The following KIAA1217 variants were observed in gnomAD, a reference collection of about 807,000 sequenced individuals.
KIAA1217 encodes the protein KIAA1217.
Under a neutral mutation model 163.9 loss-of-function variants are expected in KIAA1217, and 88 were observed. The observed-to-expected ratio is 0.54, with a 90% CI of 0.45 to 0.64. The LOEUF (loss-of-function observed/expected upper bound fraction) is 0.64, where lower values mean the gene tolerates loss of function less well. Among genes scored for constraint, KIAA1217 ranks in the 30% least tolerant of loss-of-function variants. KIAA1217 has a pLI of 0.00. For synonymous variants in KIAA1217, 903 were observed against 923.1 expected, an observed-to-expected ratio of 0.98 and a Z score of 0.39; for missense variants, 2,372 against 2,475.0, an observed-to-expected ratio of 0.96 and a Z score of 0.88.
Position 24,547,056 on chromosome 10 carries a change from C to CTTTTTTTTTTTTTTTT in KIAA1217, c.*733_*748dup, listed in dbSNP as rs11411265. Reference sequence around the variant, plus strand: ...GCTTCTTTTCTTTCTTTTTTCCTTCCTTTTTTTTTTTTTTTTCTTTTTTAA... The same window carrying CTTTTTTTTTTTTTTTT: ...GCTTCTTTTCTTTCTTTTTTCCTTCCTTTTTTTTTTTTTTTTTTTTTTTTTTTTTTTTCTTTTTTAA... On this transcript the variant is annotated 3_prime_UTR_variant, in exon 21 of 21. Coordinates refer to ENST00000376454, the MANE Select transcript of KIAA1217 (RefSeq NM_019590.5). The CTTTTTTTTTTTTTTTT allele has an allele frequency of 7.8e-6, 1 of 127,946 alleles. No homozygotes were observed. Among genetic ancestry groups the CTTTTTTTTTTTTTTTT allele is most frequent in the Non-Finnish European group, 1.6e-5 (1 of 62,538 alleles). 7.9% of individuals were successfully genotyped at this position (127,946 alleles called of 1,614,324 possible).
At chr10:23,771,012 C>G (rs1834771778) in intron 1 of KIAA1217, among the ~76,000 whole-genome samples, 1 of 152,146 alleles carries the variant, frequency 6.6e-6, no homozygotes, top group Non-Finnish European at 1.5e-5. Flanking sequence ...CTTTCATCAC[C>G]TTGATACAAG....
intron 1 of KIAA1217, among the ~76,000 whole-genome samples, chr10:23,955,729 G>A (rs552276694): frequency 5.0e-4 from 76 of 152,204 alleles, no homozygotes; most frequent in African/African-American, 1.8e-3. Flanking sequence ...CATATATTTG[G>A]CTTTTTTGCT....
intron 2 of KIAA1217, among the ~76,000 whole-genome samples, chr10:24,352,370 T>C (rs10828635): frequency 0.27 from 41,382 of 152,146 alleles, 6,853 homozygotes; most frequent in Non-Finnish European, 0.37. Flanking sequence ...GTGCAATTAA[T>C]TGCAAAGTAT....
intron 13 of KIAA1217, among the ~76,000 whole-genome samples, chr10:24,525,079 CG>C (rs2071913273): frequency 7.1e-6 from 1 of 140,738 alleles, no homozygotes; most frequent in Non-Finnish European, 1.5e-5. Flanking sequence ...GTTGTGGCGG[CG>C]GGGTGGGGGG....
chr10:24,334,693 C>G (rs140917817), intron 2 of KIAA1217, among the ~76,000 whole-genome samples: 5 of 152,298 alleles, frequency 3.3e-5, no homozygotes, highest in Non-Finnish European at 7.3e-5. Context: ...CTACCCTGCT[C>G]ACTCACCATT....
chr10:23,870,561 C>T (rs1015876664), intron 1 of KIAA1217, among the ~76,000 whole-genome samples: 1 of 152,044 alleles, frequency 6.6e-6, no homozygotes, highest in Non-Finnish European at 1.5e-5. Flanking sequence ...CATCTCTGGC[C>T]AGGGCTCATT....
chr10:24,431,650 C>T (rs975397680), intron 3 of KIAA1217, among the ~76,000 whole-genome samples: 6 of 152,164 alleles, frequency 3.9e-5, no homozygotes, highest in Non-Finnish European at 2.9e-5. Context: ...CATCCCCAAA[C>T]CAAGCTCACC....
intron 1 of KIAA1217, among the ~76,000 whole-genome samples, chr10:23,947,009 A>G (rs1425440158): frequency 2.0e-5 from 3 of 152,032 alleles, no homozygotes; most frequent in Non-Finnish European, 4.4e-5. Context: ...ATGGTTTTAG[A>G]AGGCGCTTTT....
chr10:23,754,164 GAC>G (rs1303761971), intron 1 of KIAA1217, among the ~76,000 whole-genome samples: 1 of 152,122 alleles, frequency 6.6e-6, no homozygotes, highest in East Asian at 1.9e-4. Context: ...ACATTTAAGA[GAC>G]ACTCAATATT....
intron 2 of KIAA1217, among the ~76,000 whole-genome samples, chr10:24,160,357 G>T (rs1437066999): frequency 6.6e-6 from 1 of 151,636 alleles, no homozygotes; most frequent in South Asian, 2.1e-4. Context: ...TAAGAATGTG[G>T]CATATATCTC....
intron 1 of KIAA1217, among the ~76,000 whole-genome samples, chr10:23,942,121 A>G (rs1279254559): frequency 6.6e-6 from 1 of 152,228 alleles, no homozygotes; most frequent in Non-Finnish European, 1.5e-5. Context: ...ACAATTGAAT[A>G]TAGTAACATG....
At chr10:24,467,925 G>A (rs2063123699) in intron 5 of KIAA1217, among the ~76,000 whole-genome samples, 1 of 152,048 alleles carries the variant, frequency 6.6e-6, no homozygotes, top group Non-Finnish European at 1.5e-5. Flanking sequence ...AACCCAGTAT[G>A]TATTTAATGC....
chr10:24,293,104 G>A (rs539480371), intron 2 of KIAA1217, among the ~76,000 whole-genome samples: 69 of 152,246 alleles, frequency 4.5e-4, no homozygotes, highest in African/African-American at 1.5e-3. Context: ...GTACAGTGGC[G>A]TAATCTTGGC....
chr10:23,943,029 G>A (rs1221841066), intron 1 of KIAA1217, among the ~76,000 whole-genome samples: 2 of 152,098 alleles, frequency 1.3e-5, no homozygotes, highest in East Asian at 1.9e-4. Flanking sequence ...AGAGGCTGAG[G>A]TGGGAGAATT....
At chr10:23,718,678 A>G (rs529662046) in intron 1 of KIAA1217, among the ~76,000 whole-genome samples, 2 of 152,192 alleles carry the variant, frequency 1.3e-5, no homozygotes, top group African/African-American at 2.4e-5. Context: ...GTGAAAAAAC[A>G]TAAGTGATAG....
chr10:24,232,647 A>G (rs1037776712), intron 2 of KIAA1217, among the ~76,000 whole-genome samples: 1 of 152,170 alleles, frequency 6.6e-6, no homozygotes, highest in Non-Finnish European at 1.5e-5. Context: ...GATTCAGTCC[A>G]GTGCATAGAT....
At chr10:23,960,134 C>T (rs1194184377) in intron 1 of KIAA1217, among the ~76,000 whole-genome samples, 1 of 151,866 alleles carries the variant, frequency 6.6e-6, no homozygotes, top group Non-Finnish European at 1.5e-5. Flanking sequence ...CCAGGGTGGT[C>T]TCGATCTCCT....
At chr10:23,925,290 C>A (rs1418348642) in intron 1 of KIAA1217, among the ~76,000 whole-genome samples, 1 of 152,030 alleles carries the variant, frequency 6.6e-6, no homozygotes, top group Admixed American at 6.6e-5. Flanking sequence ...ATAGGCATGC[C>A]CCTGATCAAC....
chr10:24,466,508 A>G, intron 5 of KIAA1217: 1 of 985,204 alleles, frequency 1.0e-6, no homozygotes, highest in African/African-American at 1.7e-5. Context: ...TTGACTTATC[A>G]CGGGGAAGGT....
Sources: allele counts gnomAD v4.1 joint callset (sites outside exome capture counted in the v4.1 genomes callset), GRCh38; gene constraint gnomAD v4.1.1; transcripts MANE v1.5; gene names NCBI Gene and HGNC (gene_info 2026-07-23, HGNC 2026-07-21).